Variants in ANKRD66 observed in about 807,000 individuals in gnomAD.
The protein encoded by ANKRD66 is ankyrin repeat domain-containing protein 66.
ANKRD66 carries 10 observed loss-of-function variants against 10.9 expected under a neutral mutation model. The observed-to-expected ratio is 0.91, with a 90% CI of 0.56 to 1.55. The LOEUF is 1.55. Among genes scored for constraint, ANKRD66 ranks in the 40% most tolerant of loss-of-function variants. The probability of loss-of-function intolerance (pLI) is 0.00; values close to 1 mark genes in which losing one functional copy is unlikely to be tolerated. For missense variants in ANKRD66, 252 were observed against 242.9 expected (o/e 1.04, Z -0.25); for synonymous variants, 85 against 88.4 (o/e 0.96, Z 0.22).
chr6:46,755,796 C>A (rs1766371371), intron 4 of ANKRD66, among the ~76,000 whole-genome samples: 1 of 152,150 alleles, frequency 6.6e-6, no homozygotes, highest in African/African-American at 2.4e-5. Flanking sequence ...GAAAGCTAAT[C>A]TACTTTTTTT....
intron 1 of ANKRD66, among the ~76,000 whole-genome samples, chr6:46,749,559 C>G (rs981441176): frequency 0.017 from 1,694 of 102,636 alleles, 121 homozygotes; most frequent in African/African-American, 0.024. Flanking sequence ...TTCCCCCCCC[C>G]CCCCCCCCGC....
At chr6:46,753,286 A>G (rs1652461698) in intron 3 of ANKRD66, among the ~76,000 whole-genome samples, 2 of 152,366 alleles carry the variant, frequency 1.3e-5, no homozygotes, top group African/African-American at 4.8e-5. Context: ...TCTATCAACT[A>G]GAAAGCCTGT....
chr6:46,755,991 T>C (rs1582607821), intron 4 of ANKRD66: 1 of 387,106 alleles, frequency 2.6e-6, no homozygotes, highest in South Asian at 2.0e-5. Flanking sequence ...ATTTACATTG[T>C]TGTGAAACAG....
rs541844932 is a variant in ANKRD66, at chr6:46,754,475, C to T, written c.392+525C>T. ...TATTTTTTTCGCTCAGCCAAGCATTCAAACATAATTAAGCACCAATAATTT... is the reference window on the plus strand; with the variant it reads ...TATTTTTTTCGCTCAGCCAAGCATTTAAACATAATTAAGCACCAATAATTT... On this transcript the variant is annotated intron_variant, in intron 4 of 4. Coordinates refer to ENST00000565422, the MANE Select transcript of ANKRD66 (RefSeq NM_001162435.3). Among the ~76,000 whole-genome samples, 26 of 152,272 alleles carry T rather than the reference C, an allele frequency of 1.7e-4. No individual in the cohort carries two copies. The South Asian group carries it at 5.0e-3, about 29-fold the overall frequency.
At chr6:46,748,157 C>T (rs1766187071) in intron 1 of ANKRD66, among the ~76,000 whole-genome samples, 3 of 152,196 alleles carry the variant, frequency 2.0e-5, no homozygotes, top group African/African-American at 4.8e-5. Context: ...TATGTTGTCA[C>T]TGAATTTTCC....
chr6:46,753,704 CT>C lies in ANKRD66; in HGVS notation c.164-13del. On this transcript the variant is annotated splice_polypyrimidine_tract_variant and intron_variant, in intron 3 of 4. Coordinates refer to ENST00000565422, the MANE Select transcript of ANKRD66 (RefSeq NM_001162435.3). Reference sequence around the variant, plus strand: ...TCTTTATCCTAACCTCATCCTGTTTCTTTTTGGTACATCTAAGGGCAAATGG... The same window carrying C: ...TCTTTATCCTAACCTCATCCTGTTTCTTTTGGTACATCTAAGGGCAAATGG... 6.5e-7 allele frequency: 1 copy of C among 1,530,742 alleles called. No individual in the cohort carries two copies. The highest frequency in any genetic ancestry group is 8.8e-7 in the Non-Finnish European group (1 of 1,136,272). The allele number at this position is 1,530,742 out of a possible 1,614,324, so 94.8% of individuals were successfully genotyped here. A position where few individuals can be genotyped will look rare whatever the true frequency, so the allele number is the denominator to read the frequency against.
chr6:46,757,405 G>A (rs1766405274), intron 4 of ANKRD66: 1 of 152,232 alleles, frequency 6.6e-6, no homozygotes, highest in East Asian at 1.9e-4. Context: ...GGAGCATAAG[G>A]TCAGGTGACG....
intron 4 of ANKRD66, chr6:46,758,402 A>G (rs1766420926): frequency 4.5e-6 from 1 of 222,634 alleles, no homozygotes; most frequent in Non-Finnish European, 8.7e-6. Flanking sequence ...AAAACTAAAA[A>G]TAAACGAAAA....
At position 46,756,409 on chromosome 6, in the gene ANKRD66, G is replaced by A. The variant is rs374289214; in HGVS notation, c.393-2314G>A. The A allele has an allele frequency of 5.6e-5, 9 of 159,642 alleles. No individual in the cohort carries two copies. The East Asian group carries it at 1.7e-3, about 30-fold the overall frequency. The allele number at this position is 159,642 out of a possible 1,614,324, so 9.9% of individuals were successfully genotyped here. A position where few individuals can be genotyped will look rare whatever the true frequency, so the allele number is the denominator to read the frequency against. On this transcript the variant is annotated intron_variant, in intron 4 of 4. Coordinates refer to ENST00000565422, the MANE Select transcript of ANKRD66 (RefSeq NM_001162435.3). Reference sequence around the variant, plus strand: ...GGAAATGTCAACTGTCTTTATGTCTGCTTGTAAAAGTTTCAAAATATGTTT... The same window carrying A: ...GGAAATGTCAACTGTCTTTATGTCTACTTGTAAAAGTTTCAAAATATGTTT...
chr6:46,750,227 T>C (rs905302319), intron 2 of ANKRD66, among the ~76,000 whole-genome samples: 8 of 152,294 alleles, frequency 5.3e-5, no homozygotes, highest in African/African-American at 1.9e-4. Flanking sequence ...CTTTCTACTC[T>C]TAAAAATTAT....
rs1016641905 is a variant in ANKRD66, at chr6:46,759,113, C to T, written c.*192C>T. 23 of 439,432 alleles carry T rather than the reference C, an allele frequency of 5.2e-5. No individual in the cohort carries two copies. Among genetic ancestry groups the T allele is most frequent in the East Asian group, 6.7e-5 (2 of 29,786 alleles). 27.2% of individuals were successfully genotyped at this position (439,432 alleles called of 1,614,324 possible). A position where few individuals can be genotyped will look rare whatever the true frequency, so the allele number is the denominator to read the frequency against. On this transcript the variant is annotated 3_prime_UTR_variant, in exon 5 of 5. Transcript: ENST00000565422. ...AGCACCTACTGTGTACAATAATTAC[C>T]GGGAAAGGACAAAACCTGCTTGCAT...
chr6:46,748,260 T>C (rs1461742191), intron 1 of ANKRD66, among the ~76,000 whole-genome samples: 1 of 152,208 alleles, frequency 6.6e-6, no homozygotes, highest in Non-Finnish European at 1.5e-5. Flanking sequence ...TTCCATATGA[T>C]TTTTTAGAAT....
At position 46,755,250 on chromosome 6, in the gene ANKRD66, G is replaced by A. The variant is rs766712374; in HGVS notation, c.392+1300G>A. Among the ~76,000 whole-genome samples, 4 of 152,112 alleles carry A rather than the reference G, an allele frequency of 2.6e-5. No individual in the cohort carries two copies. The South Asian group carries it at 6.2e-4, about 24-fold the overall frequency. ...TTAGATGAATCTCTGTCTTCTCCAC[G>A]TTTATCCTTGTTCAGCTAGAGAAAA... is the stretch of plus-strand genomic sequence containing the variant. On this transcript the variant is annotated intron_variant, in intron 4 of 4. Transcript: ENST00000565422.
rs9395212 is a variant in ANKRD66 at position 46,758,704 on chromosome 6, G to C, written c.393-19G>C. ...GGTCCTCCTGATCCAAGTTCAGAAG[G>C]CTCTCTCTTCTTTCCTAGGGCAGAG... is the stretch of plus-strand genomic sequence containing the variant. On this transcript the variant is annotated intron_variant, in intron 4 of 4. Transcript: ENST00000565422. 1,144,744 of 1,528,836 alleles carry C rather than the reference G, an allele frequency of 0.75. 430,590 individuals are homozygous for C. Among genetic ancestry groups the C allele is most frequent in the African/African-American group, 0.92 (65,899 of 71,762 alleles). The allele number at this position is 1,528,836 out of a possible 1,614,324, so 94.7% of individuals were successfully genotyped here. A position where few individuals can be genotyped will look rare whatever the true frequency, so the allele number is the denominator to read the frequency against.
chr6:46,751,803 C>T (rs956697075), intron 2 of ANKRD66, 134 bp from the exon 3 acceptor site: 2 of 881,550 alleles, frequency 2.3e-6, no homozygotes, highest in African/African-American at 3.6e-5. Context: ...CACACTCATG[C>T]CACACACATG....
At chr6:46,749,553 C>CT (rs1766219161) in intron 1 of ANKRD66, among the ~76,000 whole-genome samples, 1 of 74,110 alleles carries the variant, frequency 1.3e-5, no homozygotes, top group Non-Finnish European at 2.4e-5. Context: ...CTTTTATTCC[C>CT]CCCCCCCCCC....
At chr6:46,747,250 GT>G (rs2150724970) in intron 1 of ANKRD66, among the ~76,000 whole-genome samples, 1 of 152,216 alleles carries the variant, frequency 6.6e-6, no homozygotes, top group South Asian at 2.1e-4. Flanking sequence ...AATTGTGTTT[GT>G]TTTTGTTTTG....
intron 4 of ANKRD66, chr6:46,756,102 T>TAAATC (rs1432996000): frequency 2.2e-6 from 1 of 450,294 alleles, no homozygotes; most frequent in Admixed American, 2.4e-5. Context: ...TGACTCTATA[T>TAAATC]AAATCAAGAA....
At chr6:46,755,972 G>T in intron 4 of ANKRD66, 1 of 348,866 alleles carries the variant, frequency 2.9e-6, no homozygotes. Flanking sequence ...GTTCATCAGT[G>T]TTATGCACAT....
Sources: gnomAD v4.1 joint callset for allele counts (sites outside exome capture counted in the v4.1 genomes callset) on GRCh38, gnomAD v4.1.1 for gene constraint, MANE v1.5 for transcripts, NCBI Gene and HGNC (gene_info 2026-07-23, HGNC 2026-07-21) for gene names.